ACER3: variants seen among roughly 807,000 people sequenced by gnomAD.
ACER3 encodes alkaline ceramidase 3.
A neutral mutation model predicts 48.9 loss-of-function variants in ACER3; 16 were observed. That is an observed-to-expected ratio of 0.33 (90% CI 0.22 to 0.50). ACER3 has a LOEUF of 0.50. ACER3 is among the 20% of genes least tolerant of loss of function. The pLI is 0.98. For missense variants in ACER3, 227 were observed against 326.0 expected (o/e 0.70, Z 2.34); for synonymous variants, 109 against 107.8 (o/e 1.01, Z -0.07).
intron 1 of ACER3, among the ~76,000 whole-genome samples, chr11:76,902,771 G>A (rs577257297): frequency 6.6e-6 from 1 of 152,300 alleles, no homozygotes; most frequent in Admixed American, 6.5e-5. Context: ...CTGCTCACAG[G>A]GAGATGATTA....
At chr11:76,920,858 C>CG (rs1299771751) in intron 1 of ACER3, among the ~76,000 whole-genome samples, 60 of 151,986 alleles carry the variant, frequency 3.9e-4, no homozygotes, top group Admixed American at 3.9e-3. Context: ...AGGCTGGTGT[C>CG]GAACTCCTGG....
At chr11:76,948,819 A>AT in intron 2 of ACER3, among the ~76,000 whole-genome samples, 1 of 152,266 alleles carries the variant, frequency 6.6e-6, no homozygotes, top group South Asian at 2.1e-4. Flanking sequence ...TTGTACCTGA[A>AT]TTTTTCATAG....
chr11:76,987,639 G>A (rs987508975), intron 5 of ACER3, among the ~76,000 whole-genome samples: 2 of 152,012 alleles, frequency 1.3e-5, no homozygotes, highest in Admixed American at 6.6e-5. Context: ...AGCATAGGCC[G>A]TTAAGATGAC....
Position 77,023,314 on chromosome 11 carries a change from A to G in ACER3, c.*2987A>G, listed in dbSNP as rs1949499842. 1 of 395,166 alleles carries G rather than the reference A, an allele frequency of 2.5e-6. No homozygotes were observed. Among genetic ancestry groups the G allele is most frequent in the Non-Finnish European group, 4.5e-6 (1 of 223,874 alleles). The allele number at this position is 395,166 out of a possible 1,614,324, so 24.5% of individuals were successfully genotyped here. On this transcript the variant is annotated 3_prime_UTR_variant, in exon 11 of 11. Transcript: ENST00000532485. ...CCCTTACCCTAAGAGGGTTTTTCTT[A>G]TAATAAGGAGAAGAGGTGTGGTTCA...
chr11:76,968,848 A>T (rs1438148781), intron 3 of ACER3, among the ~76,000 whole-genome samples: 1 of 152,218 alleles, frequency 6.6e-6, no homozygotes, highest in Non-Finnish European at 1.5e-5. Context: ...CCCTAGAAGA[A>T]AACCTAGGCA....
intron 4 of ACER3, among the ~76,000 whole-genome samples, chr11:76,981,602 T>C (rs1347975289): frequency 1.3e-5 from 2 of 152,226 alleles, no homozygotes; most frequent in Non-Finnish European, 2.9e-5. Flanking sequence ...ATAGATTAGT[T>C]TGTCTGCTCT....
chr11:77,007,583 A>T (rs1319084260), intron 7 of ACER3, among the ~76,000 whole-genome samples: 2 of 152,206 alleles, frequency 1.3e-5, no homozygotes, highest in Non-Finnish European at 2.9e-5. Context: ...TGGCCATGGT[A>T]TCTCTGGCCA....
intron 3 of ACER3, among the ~76,000 whole-genome samples, chr11:76,970,127 T>C (rs979942433): frequency 6.6e-6 from 1 of 152,110 alleles, no homozygotes; most frequent in Non-Finnish European, 1.5e-5. Flanking sequence ...ACCTTAATCA[T>C]GGGCAGTTGT....
intron 1 of ACER3, among the ~76,000 whole-genome samples, chr11:76,914,656 G>C (rs1485339779): frequency 6.6e-6 from 1 of 152,150 alleles, no homozygotes; most frequent in Non-Finnish European, 1.5e-5. Context: ...CAAGGATCTA[G>C]ATCTAGAAAT....
At chr11:76,909,283 A>T (rs1946309691) in intron 1 of ACER3, among the ~76,000 whole-genome samples, 1 of 152,204 alleles carries the variant, frequency 6.6e-6, no homozygotes, top group Non-Finnish European at 1.5e-5. Context: ...GGATCTAATT[A>T]AACTAAAGAA....
Position 76,957,400 on chromosome 11 carries a change from T to C in ACER3, c.215-1579T>C, listed in dbSNP as rs149405791. The C allele has an allele frequency of 1.9e-5, 8 of 420,204 alleles. No homozygotes were observed. In the East Asian group the frequency reaches 2.3e-4, roughly 12 times the overall value. The allele number at this position is 420,204 out of a possible 1,614,324, so 26.0% of individuals were successfully genotyped here. A position where few individuals can be genotyped will look rare whatever the true frequency, so the allele number is the denominator to read the frequency against. On this transcript the variant is annotated intron_variant, in intron 2 of 10. Coordinates refer to ENST00000532485, the MANE Select transcript of ACER3 (RefSeq NM_018367.7). ...TTTGATATATTGAAGCACAGAATTA[T>C]TGAATACATATATACATGAAGTTTA...
intron 2 of ACER3, among the ~76,000 whole-genome samples, chr11:76,958,043 G>C (rs1040963025): frequency 1.0e-4 from 15 of 150,568 alleles, no homozygotes; most frequent in Non-Finnish European, 1.8e-4. Context: ...CGATCCTCTG[G>C]CCTTAGCCTC....
intron 6 of ACER3, among the ~76,000 whole-genome samples, chr11:76,990,890 A>G (rs755264838): frequency 3.3e-5 from 5 of 152,232 alleles, no homozygotes; most frequent in African/African-American, 1.2e-4. Context: ...AAGTCTTTTT[A>G]TGACATCTAG....
At position 76,908,839 on chromosome 11, in the gene ACER3, C is replaced by G. The variant is rs1004913846; in HGVS notation, c.104-17718C>G. 1.3e-4 allele frequency among the ~76,000 whole-genome samples: 20 copies of G among 152,226 alleles called. No homozygotes were observed. The South Asian group carries it at 2.9e-3, about 22-fold the overall frequency. ...ACAATCCTAAGCAAAAAGAACAAAG[C>G]TGGAGGCATCATTCTACCTGACTTC... On this transcript the variant is annotated intron_variant, in intron 1 of 10. Coordinates refer to ENST00000532485, the MANE Select transcript of ACER3 (RefSeq NM_018367.7).
In ACER3 at chr11:76,992,160, GT is replaced by G. The variant is rs1408331772; in HGVS notation, c.438+1589del. On this transcript the variant is annotated intron_variant, in intron 6 of 10. Transcript: ENST00000532485. ...CCAGGAGGATCCCTTGAGCCCAGGAGTTTGAGGCTGCAGTGAACTATGATTG... is the reference window on the plus strand; with the variant it reads ...CCAGGAGGATCCCTTGAGCCCAGGAGTTGAGGCTGCAGTGAACTATGATTG... Among the ~76,000 whole-genome samples the G allele has an allele frequency of 1.4e-4, 22 of 151,944 alleles. 1 individual carries two copies. The highest frequency in any genetic ancestry group is 4.6e-4 in the African/African-American group (19 of 41,258).
chr11:76,888,401 T>C (rs1945725256), intron 1 of ACER3, among the ~76,000 whole-genome samples: 1 of 152,230 alleles, frequency 6.6e-6, no homozygotes, highest in Admixed American at 6.5e-5. Flanking sequence ...TTACCAGATA[T>C]TTATATATGG....
At chr11:76,968,756 C>A (rs1459532506) in intron 3 of ACER3, among the ~76,000 whole-genome samples, 1 of 152,196 alleles carries the variant, frequency 6.6e-6, no homozygotes, top group East Asian at 1.9e-4. Flanking sequence ...AAAGCTGAAA[C>A]TGGATCCCTT....
chr11:76,984,958 G>A (rs1297419695), intron 4 of ACER3, among the ~76,000 whole-genome samples: 1 of 152,230 alleles, frequency 6.6e-6, no homozygotes, highest in African/African-American at 2.4e-5. Context: ...GGAAGGACAG[G>A]TTCTTCCCCC....
chr11:76,992,068 C>T (rs1237628583), intron 6 of ACER3, among the ~76,000 whole-genome samples: 1 of 150,912 alleles, frequency 6.6e-6, no homozygotes, highest in African/African-American at 2.4e-5. Flanking sequence ...AAAAAAAAAT[C>T]GGGCATGGTG....
Sources: allele counts gnomAD v4.1 joint callset (sites outside exome capture counted in the v4.1 genomes callset), GRCh38; gene constraint gnomAD v4.1.1; transcripts MANE v1.5; gene names NCBI Gene and HGNC (gene_info 2026-07-23, HGNC 2026-07-21).